The following TRAF5 variants were observed in gnomAD, a reference collection of about 807,000 sequenced individuals.
The protein encoded by TRAF5 is TNF receptor-associated factor 5.
In TRAF5, 48 loss-of-function variants were observed where a neutral mutation model predicts 64.5. The ratio of observed to expected loss-of-function variants is 0.74; its 90% CI spans 0.59 to 0.95. The LOEUF (loss-of-function observed/expected upper bound fraction) is 0.95, where lower values mean the gene tolerates loss of function less well. Among genes scored for constraint, TRAF5 ranks in the 40% least tolerant of loss-of-function variants. TRAF5 has a pLI of 0.00. For missense variants in TRAF5, 545 were observed against 662.8 expected, an observed-to-expected ratio of 0.82 and a Z score of 1.95; for synonymous variants, 206 against 240.5, an observed-to-expected ratio of 0.86 and a Z score of 1.33.
chr1:211,353,443 C>T lies in TRAF5; in HGVS notation c.204C>T (p.Cys68=), dbSNP rs1480129845. Residue 68 remains cysteine (C), a synonymous_variant, in exon 2 of 11, where the codon TGC becomes TGT. Coordinates refer to ENST00000261464, the MANE Select transcript of TRAF5 (RefSeq NM_001033910.3). ...GTGGGCACCGCTTCTGCCAGCACTG[C>T]ATCCTGTCCCTGAGGTGAGTGGGCA... The part of the protein sequence containing the change: ...TGCGHRFCQH[C]ILSLRELNTV... The T allele has an allele frequency of 6.2e-7, 1 of 1,613,192 alleles. No individual in the cohort carries two copies.
intron 8 of TRAF5, among the ~76,000 whole-genome samples, chr1:211,368,402 T>G (rs1703421109): frequency 6.6e-6 from 1 of 152,174 alleles, no homozygotes; most frequent in Admixed American, 6.5e-5. Context: ...AAATATTTAT[T>G]AAGCACCTAC....
At chr1:211,360,672 C>A (rs1346722558) in intron 5 of TRAF5, 30 bp from the exon 6 acceptor site, 1 of 1,578,978 alleles carries the variant, frequency 6.3e-7, no homozygotes, top group Non-Finnish European at 8.7e-7. Flanking sequence ...AAAGACAACC[C>A]TTTGTTTTAT....
chr1:211,372,100 C>CTT (rs10717294), intron 10 of TRAF5, 28 bp from the exon 11 acceptor site: 491 of 1,263,726 alleles, frequency 3.9e-4, no homozygotes, highest in African/African-American at 1.3e-3. Context: ...CCTATGGAAT[C>CTT]TTTTTTTTTT....
intron 3 of TRAF5, 141 bp from the exon 4 acceptor site, chr1:211,356,226 G>A (rs1187782444): frequency 3.3e-6 from 2 of 604,814 alleles, no homozygotes. Context: ...TGTGGTGTAA[G>A]TGTGATATTT....
rs1553271894 is a variant in TRAF5 at position 211,363,001 on chromosome 1, TAAA to T, written c.696+1840_696+1842del. The stretch of plus-strand genomic sequence containing the variant: ...TCCAGAAAAAAATTCATTTGGCTGA[TAAA>T]TGTAAGAAAAGATGCTCAGTTTCAC... On this transcript the variant is annotated intron_variant, in intron 7 of 10. Transcript: ENST00000261464. 6.7e-3 allele frequency among the ~76,000 whole-genome samples: 1,015 copies of T among 152,292 alleles called. 7 individuals carry two copies. The highest frequency in any genetic ancestry group is 0.017 in the Middle Eastern group (5 of 294).
In TRAF5 at chr1:211,369,506, G is replaced by A. The variant is rs752121803; in HGVS notation, c.844G>A (p.Ala282Thr). Reference protein sequence around the residue: ...EQKESKIQQLAETIKKLEKEF... With the variant: ...EQKESKIQQLTETIKKLEKEF... Reference sequence around the variant, plus strand: ...GAAAGAAAGTAAAATCCAGCAGCTAGCAGAAACTATAAAGAAACTTGAAAA... The same window carrying A: ...GAAAGAAAGTAAAATCCAGCAGCTAACAGAAACTATAAAGAAACTTGAAAA... The change falls in exon 9 of 11, where the codon GCA (alanine) becomes ACA (threonine). Residue 282 changes from alanine (A) to threonine (T), a missense_variant. Transcript: ENST00000261464. The A allele has an allele frequency of 2.5e-6, 4 of 1,611,398 alleles. No individual in the cohort carries two copies. The highest frequency in any genetic ancestry group is 1.7e-4 in the Middle Eastern group (1 of 6,054).
At chr1:211,353,533 TTCA>T in intron 2 of TRAF5, 76 bp downstream of exon 2, 1 of 1,434,572 alleles carries the variant, frequency 7.0e-7, no homozygotes. Flanking sequence ...CTCAACTGTT[TTCA>T]TGGGTTTTGG....
intron 1 of TRAF5, among the ~76,000 whole-genome samples, chr1:211,337,711 G>A (rs1379638676): frequency 6.6e-6 from 1 of 152,182 alleles, no homozygotes; most frequent in Non-Finnish European, 1.5e-5. Flanking sequence ...TGTTGGGAAG[G>A]AAGATCCCAT....
At chr1:211,340,079 A>G (rs1357964765) in intron 1 of TRAF5, among the ~76,000 whole-genome samples, 1 of 151,766 alleles carries the variant, frequency 6.6e-6, no homozygotes, top group Non-Finnish European at 1.5e-5. Context: ...TAGCCCGTCT[A>G]GGGTGGTCTC....
chr1:211,360,738 T>G lies in TRAF5; in HGVS notation c.580T>G (p.Phe194Val). 4.3e-6 allele frequency: 7 copies of G among 1,614,046 alleles called. No individual in the cohort carries two copies. Among genetic ancestry groups the G allele is most frequent in the Non-Finnish European group, 5.1e-6 (6 of 1,179,954 alleles). ...AAACTTGTGTCCTGAATACCCAGTA[T>G]TTTGTCCCAACAATTGTGCGAAGAT... ...EENLCPEYPV[F>V]CPNNCAKIIL... Residue 194 changes from phenylalanine (F) to valine (V), a missense_variant, in exon 6 of 11, where the codon TTT becomes GTT. By Grantham distance (50) the Phe-to-Val change is conservative. Coordinates refer to ENST00000261464, the MANE Select transcript of TRAF5 (RefSeq NM_001033910.3).
chr1:211,349,916 C>T (rs1032102008), intron 1 of TRAF5, among the ~76,000 whole-genome samples: 3 of 152,110 alleles, frequency 2.0e-5, no homozygotes, highest in Non-Finnish European at 4.4e-5. Flanking sequence ...GCACAGGATG[C>T]GAAGTGCCAA....
chr1:211,333,823 C>T (rs941453234), intron 1 of TRAF5, among the ~76,000 whole-genome samples: 2 of 152,156 alleles, frequency 1.3e-5, no homozygotes, highest in African/African-American at 4.8e-5. Flanking sequence ...TCTTTCTACA[C>T]CTGACTTGCC....
chr1:211,350,238 G>A (rs1702744129), intron 1 of TRAF5, among the ~76,000 whole-genome samples: 1 of 149,762 alleles, frequency 6.7e-6, no homozygotes, highest in Admixed American at 6.6e-5. Flanking sequence ...TTTGAGACAG[G>A]GTCTCTCGCC....
intron 1 of TRAF5, among the ~76,000 whole-genome samples, chr1:211,333,045 A>G (rs1009599979): frequency 6.6e-6 from 1 of 152,112 alleles, no homozygotes; most frequent in Non-Finnish European, 1.5e-5. Flanking sequence ...GTTCACTTTC[A>G]CTTCACTTAC....
At chr1:211,361,255 A>C in intron 7 of TRAF5, 93 bp downstream of exon 7, 1 of 1,153,408 alleles carries the variant, frequency 8.7e-7, no homozygotes, top group Non-Finnish European at 1.3e-6. Flanking sequence ...AGGATGGAGA[A>C]AGACATACAG....
chr1:211,355,882 T>A (rs975909172), intron 3 of TRAF5, among the ~76,000 whole-genome samples: 1 of 152,232 alleles, frequency 6.6e-6, no homozygotes, highest in African/African-American at 2.4e-5. Context: ...ATTTAAGTAT[T>A]GTGTATGGAA....
In TRAF5 at chr1:211,353,281, C is replaced by A; in HGVS notation, c.42C>A (p.Phe14Leu). The A allele has an allele frequency of 1.2e-6, 2 of 1,614,234 alleles. No individual in the cohort carries two copies. The highest frequency in any genetic ancestry group is 1.7e-6 in the Non-Finnish European group (2 of 1,180,034). The change falls in exon 2 of 11, where the codon TTC becomes TTA. Residue 14 changes from phenylalanine (F) to leucine (L), a missense_variant. Phe to Leu is a conservative substitution (Grantham distance 22). Transcript: ENST00000261464. ...SEEHKGMPCG[F>L]IRQNSGNSIS... ...AGCATAAAGGTATGCCCTGTGGTTT[C>A]ATCCGCCAGAATTCCGGCAACTCCA...
At chr1:211,349,041 A>AC (rs1169020650) in intron 1 of TRAF5, among the ~76,000 whole-genome samples, 1 of 149,926 alleles carries the variant, frequency 6.7e-6, no homozygotes, top group Non-Finnish European at 1.5e-5. Flanking sequence ...CTCTAAAAAA[A>AC]AAAAAAAAAA....
chr1:211,356,450 T>C lies in TRAF5; in HGVS notation c.360T>C (p.Val120=), dbSNP rs1558142041. The change falls in exon 4 of 11, where the codon GTT becomes GTC. Residue 120 remains valine, a synonymous_variant. Coordinates refer to ENST00000261464, the MANE Select transcript of TRAF5 (RefSeq NM_001033910.3). The part of the protein sequence containing the change: ...CSNAPGCNAK[V]ILGRYQDHLQ... ...ATGCTCCTGGATGTAATGCCAAGGTTATTCTGGGCCGGTACCAGGTTGGTA... is the reference window on the plus strand; with the variant it reads ...ATGCTCCTGGATGTAATGCCAAGGTCATTCTGGGCCGGTACCAGGTTGGTA... 1.2e-6 allele frequency: 2 copies of C among 1,614,148 alleles called. No homozygotes were observed. The highest frequency in any genetic ancestry group is 2.7e-5 in the African/African-American group (2 of 75,064).
Sources: gnomAD v4.1 joint callset for allele counts (sites outside exome capture counted in the v4.1 genomes callset) on GRCh38, gnomAD v4.1.1 for gene constraint, MANE v1.5 for transcripts, NCBI Gene and HGNC (gene_info 2026-07-23, HGNC 2026-07-21) for gene names.